Variants in ADGRE3 observed in about 807,000 individuals in gnomAD.
The protein encoded by ADGRE3 is adhesion G protein-coupled receptor E3.
A neutral mutation model predicts 80.1 loss-of-function variants in ADGRE3; 88 were observed. That is an observed-to-expected ratio of 1.10 (90% confidence interval 0.93 to 1.31). The LOEUF is 1.31. Among genes scored for constraint, ADGRE3 ranks in the 40% most tolerant of loss-of-function variants. The pLI is 0.00. For synonymous variants in ADGRE3, 281 were observed against 294.8 expected (o/e 0.95, Z 0.48); for missense variants, 715 against 776.5 (o/e 0.92, Z 0.94).
chr19:14,648,824 T>TCCTG (rs766731321), intron 7 of ADGRE3, among the ~76,000 whole-genome samples: 17 of 152,132 alleles, frequency 1.1e-4, no homozygotes, highest in Non-Finnish European at 2.1e-4. Flanking sequence ...ACCTTGTGTC[T>TCCTG]CCTGCCTGCC....
At chr19:14,648,399 T>C (rs1035480532) in intron 7 of ADGRE3, among the ~76,000 whole-genome samples, 1 of 152,064 alleles carries the variant, frequency 6.6e-6, no homozygotes, top group African/African-American at 2.4e-5. Context: ...CCACCAATGA[T>C]AGATCAGAGC....
chr19:14,603,807 C>A, the ADGRE3 span, among the ~76,000 whole-genome samples: 1 of 152,150 alleles, frequency 6.6e-6, no homozygotes, highest in Non-Finnish European at 1.5e-5. Flanking sequence ...CCAACATTTC[C>A]TGAGCACCTA....
intron 11 of ADGRE3, among the ~76,000 whole-genome samples, chr19:14,634,169 GAAATTTTATGA>G (rs530880634): frequency 2.1e-4 from 32 of 152,136 alleles, no homozygotes; most frequent in Non-Finnish European, 3.2e-4. Context: ...ATATATATAT[GAAATTTTATGA>G]AAATTTTATG....
intron 15 of ADGRE3, chr19:14,622,068 T>C (rs1970617925): frequency 9.5e-7 from 1 of 1,048,700 alleles, no homozygotes; most frequent in African/African-American, 2.2e-5. Flanking sequence ...TTTTCTCCTT[T>C]ATTGAAGGCT....
intron 2 of ADGRE3, chr19:14,668,473 A>C (rs1487003280): frequency 2.4e-6 from 1 of 420,096 alleles, no homozygotes; most frequent in Non-Finnish European, 4.2e-6. Flanking sequence ...TATAATCAGA[A>C]TGATAATGAT....
intron 4 of ADGRE3, among the ~76,000 whole-genome samples, chr19:14,661,294 A>G (rs781121332): frequency 3.3e-5 from 5 of 152,200 alleles, no homozygotes; most frequent in Non-Finnish European, 7.3e-5. Flanking sequence ...GCCAGCCTGC[A>G]GTGAAAGAGA....
intron 7 of ADGRE3, among the ~76,000 whole-genome samples, chr19:14,647,706 C>T (rs1971454960): frequency 6.6e-6 from 1 of 151,688 alleles, no homozygotes; most frequent in Non-Finnish European, 1.5e-5. Flanking sequence ...GCATGAGCCA[C>T]CATGCCCGGT....
chr19:14,654,132 T>C (rs531232889), intron 6 of ADGRE3, among the ~76,000 whole-genome samples: 1 of 152,082 alleles, frequency 6.6e-6, no homozygotes, highest in African/African-American at 2.4e-5. Flanking sequence ...TCTGTATTTT[T>C]AGTAAAGATT....
In ADGRE3 at chr19:14,625,591, T is replaced by A; in HGVS notation, c.1821A>T (p.Lys607Asn). The A allele has an allele frequency of 6.2e-7, 1 of 1,609,296 alleles. No homozygotes were observed. The highest frequency in any genetic ancestry group is 8.5e-7 in the Non-Finnish European group (1 of 1,175,892). ...TCTCTCTAAACCACTTTTGATATTG[T>A]TTCTGGACCTGGAACATCAAAGGAA... ...VYCLLSQQVQ[K>N]QYQKWFREIV... The change falls in exon 15 of 16, where the codon AAA becomes AAT. Residue 607 changes from lysine (K) to asparagine (N), a missense_variant. Physicochemically the swap from Lys to Asn is moderately conservative, Grantham distance 94. Coordinates refer to ENST00000253673, the MANE Select transcript of ADGRE3 (RefSeq NM_032571.5).
the ADGRE3 span, among the ~76,000 whole-genome samples, chr19:14,608,880 A>G: frequency 6.6e-6 from 1 of 151,314 alleles, no homozygotes; most frequent in Non-Finnish European, 1.5e-5. Flanking sequence ...GCTCACTGCA[A>G]CTTCTGCCTC....
the ADGRE3 span, chr19:14,610,283 CGT>C: frequency 6.6e-7 from 1 of 1,505,248 alleles, no homozygotes; most frequent in Non-Finnish European, 8.9e-7. Context: ...CTTGCCTCTT[CGT>C]GAGTGGACAC....
At chr19:14,617,360 T>TTCTCTCTTTC (rs1568469519), downstream of ADGRE3, among the ~76,000 whole-genome samples, 5 of 115,870 alleles carry the variant, frequency 4.3e-5, no homozygotes, top group Non-Finnish European at 8.8e-5. Flanking sequence ...CTTTCTTTCT[T>TTCTCTCTTTC]TCTTTCTTTC....
At chr19:14,613,207 T>C in the ADGRE3 span, among the ~76,000 whole-genome samples, 1 of 151,234 alleles carries the variant, frequency 6.6e-6, no homozygotes, top group African/African-American at 2.4e-5. Flanking sequence ...ATTACAGGCG[T>C]GAGCCACCAT....
chr19:14,657,761 GTTTGT>G (rs982197132), intron 5 of ADGRE3, among the ~76,000 whole-genome samples: 43 of 149,638 alleles, frequency 2.9e-4, no homozygotes, highest in Non-Finnish European at 5.9e-4. Context: ...TTGTTTGTTT[GTTTGT>G]TTTGTTTTGT....
intron 2 of ADGRE3, among the ~76,000 whole-genome samples, chr19:14,665,936 G>GTATATATATATATATATATA (rs71309616): frequency 4.8e-5 from 2 of 42,088 alleles, no homozygotes; most frequent in Non-Finnish European, 8.0e-5. Context: ...ACACATATGT[G>GTATATATATATATATATATA]TATATATATA....
chr19:14,611,681 G>A, the ADGRE3 span, among the ~76,000 whole-genome samples: 1 of 152,152 alleles, frequency 6.6e-6, no homozygotes, highest in Non-Finnish European at 1.5e-5. Flanking sequence ...TGAGCTATCT[G>A]TGGGTTGTAA....
At chr19:14,607,092 G>A in the ADGRE3 span, 1 of 1,305,152 alleles carries the variant, frequency 7.7e-7, no homozygotes, top group Non-Finnish European at 9.8e-7. Flanking sequence ...TGGGTCTCCT[G>A]TGACATTAAG....
the ADGRE3 span, among the ~76,000 whole-genome samples, chr19:14,608,946 C>T: frequency 6.6e-6 from 1 of 151,846 alleles, no homozygotes; most frequent in African/African-American, 2.4e-5. Context: ...ATTACAGGCG[C>T]CCGCCACCAT....
At chr19:14,619,560 A>G (rs998812588) in intron 15 of ADGRE3, 89 bp from the exon 16 acceptor site, 1 of 1,023,526 alleles carries the variant, frequency 9.8e-7, no homozygotes, top group African/African-American at 1.6e-5. Context: ...AGCAGGAGTG[A>G]TTTAAACCCA....
Sources: allele counts gnomAD v4.1 joint callset (sites outside exome capture counted in the v4.1 genomes callset), GRCh38; gene constraint gnomAD v4.1.1; transcripts MANE v1.5; gene names NCBI Gene and HGNC (gene_info 2026-07-23, HGNC 2026-07-21).